TXN: variants seen among roughly 807,000 people sequenced by gnomAD.
The protein encoded by TXN is thioredoxin.
Under a neutral mutation model 16.5 loss-of-function variants are expected in TXN, and 10 were observed. That is an observed-to-expected ratio of 0.61 (90% CI 0.37 to 1.03). TXN has a LOEUF of 1.03. Ranked by LOEUF, TXN falls within the 50% of genes least tolerant of loss-of-function variation. The pLI, the probability that TXN is intolerant of heterozygous loss-of-function variation, is 0.01. For missense variants in TXN, 71 were observed against 122.5 expected, an observed-to-expected ratio of 0.58 and a Z score of 1.98; for synonymous variants, 35 against 39.4, an observed-to-expected ratio of 0.89 and a Z score of 0.42.
chr9:110,255,072 T>C (rs1410051), intron 1 of TXN, among the ~76,000 whole-genome samples: 40,381 of 152,002 alleles, frequency 0.27, 5,580 homozygotes, highest in South Asian at 0.33. Flanking sequence ...AATCAACATA[T>C]GAGGAAAAAA....
chr9:110,252,368 A>T (rs1837752364), intron 1 of TXN, among the ~76,000 whole-genome samples: 1 of 152,142 alleles, frequency 6.6e-6, no homozygotes, highest in South Asian at 2.1e-4. Flanking sequence ...CGTTGACATA[A>T]GCATAATGGG....
intron 3 of TXN, among the ~76,000 whole-genome samples, chr9:110,246,236 G>A (rs763739888): frequency 2.0e-5 from 3 of 152,024 alleles, no homozygotes; most frequent in Non-Finnish European, 2.9e-5. Context: ...TAAGAAAATC[G>A]ACAAATTCCT....
rs1427096987 is a variant in TXN at position 110,244,277 on chromosome 9, T to C, written c.256-58A>G. 5.5e-6 allele frequency: 4 copies of C among 731,042 alleles called. No individual in the cohort carries two copies. In the East Asian group the frequency reaches 1.1e-4, roughly 21 times the overall value. The allele number at this position is 731,042 out of a possible 1,614,324, so 45.3% of individuals were successfully genotyped here. A position where few individuals can be genotyped will look rare whatever the true frequency, so the allele number is the denominator to read the frequency against. ...TAGCACTGTAGCACTGTTTTATACA[T>C]AAAATATGTATAAATATGTATTTAT... On this transcript the variant is annotated intron_variant, in intron 4 of 4. Coordinates refer to ENST00000374517, the MANE Select transcript of TXN (RefSeq NM_003329.4).
intron 3 of TXN, among the ~76,000 whole-genome samples, chr9:110,247,758 T>C (rs1837677264): frequency 6.6e-6 from 1 of 152,246 alleles, no homozygotes; most frequent in Non-Finnish European, 1.5e-5. Context: ...TTTACTTTAA[T>C]TTCATTATTA....
At position 110,244,782 on chromosome 9, in the gene TXN, T is replaced by C. The variant is rs1837625948; in HGVS notation, c.251A>G (p.Gln84Arg). The C allele has an allele frequency of 6.2e-7, 1 of 1,612,472 alleles. No homozygotes were observed. The highest frequency in any genetic ancestry group is 1.3e-5 in the African/African-American group (1 of 74,890). The part of the protein sequence containing the change: ...MPTFQFFKKG[Q>R]KVGEFSGANK... ...TTAAAGGTCAGATGTACGTACCTTT[T>C]GTCCCTTCTTAAAAAACTGGAATGT... The change falls in exon 4 of 5, where the codon CAA becomes CGA. Residue 84 changes from glutamine to arginine, a missense_variant. By Grantham distance (43) the Gln-to-Arg change is conservative (BLOSUM62 1). Transcript: ENST00000374517.
intron 3 of TXN, among the ~76,000 whole-genome samples, chr9:110,246,292 G>A (rs1211292121): frequency 2.6e-5 from 4 of 152,116 alleles, no homozygotes; most frequent in Non-Finnish European, 4.4e-5. Flanking sequence ...TCCTCTCCTA[G>A]AAGTGGCTGT....
intron 1 of TXN, among the ~76,000 whole-genome samples, chr9:110,253,644 T>C (rs1837768882): frequency 6.6e-6 from 1 of 152,148 alleles, no homozygotes; most frequent in East Asian, 1.9e-4. Flanking sequence ...CAGTTCTGAA[T>C]CAAATTTAAG....
In TXN at chr9:110,256,291, G is replaced by A. The variant is rs896430432; in HGVS notation, c.24+121C>T. The A allele has an allele frequency of 9.2e-7, 1 of 1,087,764 alleles. No homozygotes were observed. Among genetic ancestry groups the A allele is most frequent in the African/African-American group, 1.6e-5 (1 of 62,884 alleles). 67.4% of individuals were successfully genotyped at this position (1,087,764 alleles called of 1,614,324 possible). A position where few individuals can be genotyped will look rare whatever the true frequency, so the allele number is the denominator to read the frequency against. On this transcript the variant is annotated intron_variant, in intron 1 of 4. Coordinates refer to ENST00000374517, the MANE Select transcript of TXN (RefSeq NM_003329.4). The surrounding 1 kb of genome is among the most constrained non-coding windows in gnomAD (Gnocchi z 4.2). ...AGACGCCGCGTCCCTTTCCCCTGGCGATGCGGAGGGGCGGCCTCCGCACCT... is the reference window on the plus strand; with the variant it reads ...AGACGCCGCGTCCCTTTCCCCTGGCAATGCGGAGGGGCGGCCTCCGCACCT...
At chr9:110,248,360 T>A (rs1837683557) in intron 3 of TXN, among the ~76,000 whole-genome samples, 1 of 152,204 alleles carries the variant, frequency 6.6e-6, no homozygotes. Context: ...TTTTTTAATC[T>A]TTCATATCAT....
In TXN at chr9:110,256,244, T is replaced by C. The variant is rs1837808084; in HGVS notation, c.24+168A>G. Among the ~76,000 whole-genome samples, 1 of 151,668 alleles carries C rather than the reference T, an allele frequency of 6.6e-6. No homozygotes were observed. Among genetic ancestry groups the C allele is most frequent in the South Asian group, 2.1e-4 (1 of 4,800 alleles). On this transcript the variant is annotated intron_variant, in intron 1 of 4. Coordinates refer to ENST00000374517, the MANE Select transcript of TXN (RefSeq NM_003329.4). The surrounding 1 kb of genome is among the most constrained non-coding windows in gnomAD (Gnocchi z 4.2). Reference sequence around the variant, plus strand: ...ACCGCCTCGGGCGCGCCCAGGCCGCTGCTTCCCGCAGTCCCAGGCCGAGAC... The same window carrying C: ...ACCGCCTCGGGCGCGCCCAGGCCGCCGCTTCCCGCAGTCCCAGGCCGAGAC...
chr9:110,251,948 G>A (rs1241464130), intron 1 of TXN, among the ~76,000 whole-genome samples: 1 of 152,150 alleles, frequency 6.6e-6, no homozygotes, highest in East Asian at 1.9e-4. Flanking sequence ...AAAGTTGGCT[G>A]GGCATGGTGG....
intron 3 of TXN, among the ~76,000 whole-genome samples, chr9:110,249,941 T>A (rs1434499486): frequency 6.6e-6 from 1 of 152,002 alleles, no homozygotes; most frequent in African/African-American, 2.4e-5. Flanking sequence ...CGCCTTTCCT[T>A]CTCCACTAGG....
In TXN at chr9:110,256,240, C is replaced by T. The variant is rs1157129198; in HGVS notation, c.24+172G>A. ...CTCCACCGCCTCGGGCGCGCCCAGG[C>T]CGCTGCTTCCCGCAGTCCCAGGCCG... On this transcript the variant is annotated intron_variant, in intron 1 of 4. Coordinates refer to ENST00000374517, the MANE Select transcript of TXN (RefSeq NM_003329.4). This position sits in a 1 kb window ranked among gnomAD's most constrained non-coding sequence, Gnocchi z 4.2. Among the ~76,000 whole-genome samples, 4 of 152,098 alleles carry T rather than the reference C, an allele frequency of 2.6e-5. No homozygotes were observed. Among genetic ancestry groups the T allele is most frequent in the Admixed American group, 1.3e-4 (2 of 15,292 alleles).
At chr9:110,247,739 G>T (rs1837677104) in intron 3 of TXN, among the ~76,000 whole-genome samples, 1 of 152,100 alleles carries the variant, frequency 6.6e-6, no homozygotes, top group African/African-American at 2.4e-5. Flanking sequence ...CACGTTACTG[G>T]TTTTTGTATT....
intron 3 of TXN, 187 bp from the exon 4 acceptor site, chr9:110,245,030 T>G: frequency 2.5e-6 from 1 of 402,696 alleles, no homozygotes; most frequent in South Asian, 3.1e-5. Flanking sequence ...AAACCGGTTA[T>G]ATTCTCAATG....
intron 1 of TXN, among the ~76,000 whole-genome samples, chr9:110,252,223 C>CA (rs377246017): frequency 0.076 from 4,410 of 57,888 alleles, 284 homozygotes; most frequent in African/African-American, 0.11. Flanking sequence ...GACTCTGTCG[C>CA]AAAAAAAAAA....
chr9:110,253,413 G>A (rs550275943), intron 1 of TXN, among the ~76,000 whole-genome samples: 1 of 152,110 alleles, frequency 6.6e-6, no homozygotes, highest in Non-Finnish European at 1.5e-5. Flanking sequence ...TATTGTTCCA[G>A]ATCAATTTCA....
chr9:110,249,474 G>A (rs1837700751), intron 3 of TXN, among the ~76,000 whole-genome samples: 1 of 152,138 alleles, frequency 6.6e-6, no homozygotes, highest in South Asian at 2.1e-4. Context: ...GGAATCTACT[G>A]AGACTAATGG....
At chr9:110,249,919 C>A (rs548763805) in intron 3 of TXN, among the ~76,000 whole-genome samples, 29 of 152,302 alleles carry the variant, frequency 1.9e-4, no homozygotes, top group African/African-American at 6.5e-4. Context: ...CCACACTGCA[C>A]CCTTCCCCCA....
Sources: allele counts gnomAD v4.1 joint callset (sites outside exome capture counted in the v4.1 genomes callset), GRCh38; gene constraint gnomAD v4.1.1; non-coding constraint Gnocchi (gnomAD v3.1); transcripts MANE v1.5; gene names NCBI Gene and HGNC (gene_info 2026-07-23, HGNC 2026-07-21).